Variants in FMNL2 observed in about 807,000 individuals in gnomAD.
FMNL2 encodes formin-like protein 2.
FMNL2 carries 51 observed loss-of-function variants against 130.2 expected under a neutral mutation model. The observed-to-expected ratio is 0.39, with a 90% CI of 0.31 to 0.49. The LOEUF is 0.49. FMNL2 is among the 20% of genes least tolerant of loss of function. FMNL2 has a pLI of 0.85. For synonymous variants in FMNL2, 465 were observed against 467.1 expected (o/e 1.00, Z 0.06); for missense variants, 977 against 1,316.2 (o/e 0.74, Z 3.99).
intron 9 of FMNL2, among the ~76,000 whole-genome samples, chr2:152,592,775 T>G (rs1308814851): frequency 2.0e-5 from 3 of 152,152 alleles, no homozygotes; most frequent in Admixed American, 6.5e-5. Flanking sequence ...AACTCTGGGA[T>G]TTTTACACAG....
chr2:152,633,236 C>T (rs140228289), intron 21 of FMNL2, among the ~76,000 whole-genome samples: 26 of 152,108 alleles, frequency 1.7e-4, no homozygotes, highest in Non-Finnish European at 3.8e-4. Context: ...GCTGGGACCA[C>T]AGGCACACAC....
At chr2:152,566,700 G>GTA (rs1230173562) in intron 6 of FMNL2, among the ~76,000 whole-genome samples, 27 of 152,272 alleles carry the variant, frequency 1.8e-4, no homozygotes, top group Admixed American at 6.5e-5. Flanking sequence ...AGGGACTTAA[G>GTA]TATATATATG....
chr2:152,508,207 C>T (rs868227853), intron 1 of FMNL2, among the ~76,000 whole-genome samples: 10 of 149,350 alleles, frequency 6.7e-5, no homozygotes, highest in Admixed American at 2.0e-4. Flanking sequence ...ACTGCAGCAA[C>T]GCTGAAACGA....
chr2:152,642,491 A>C (rs1253121818), intron 25 of FMNL2, among the ~76,000 whole-genome samples: 1 of 152,218 alleles, frequency 6.6e-6, no homozygotes, highest in Non-Finnish European at 1.5e-5. Flanking sequence ...CTCTGCACAA[A>C]TGTGCCTATT....
At chr2:152,622,187 G>A (rs1681382211) in intron 15 of FMNL2, among the ~76,000 whole-genome samples, 1 of 152,192 alleles carries the variant, frequency 6.6e-6, no homozygotes, top group African/African-American at 2.4e-5. Context: ...TGTCTGGGAG[G>A]ATGTGCTCGG....
chr2:152,637,724 T>C, intron 23 of FMNL2, 50 bp downstream of exon 23: 1 of 1,524,104 alleles, frequency 6.6e-7, no homozygotes, highest in Non-Finnish European at 9.1e-7. Flanking sequence ...ATTGCCCTCC[T>C]TGAGATGTGT....
At chr2:152,513,483 A>G (rs374507413) in intron 1 of FMNL2, among the ~76,000 whole-genome samples, 11 of 152,318 alleles carry the variant, frequency 7.2e-5, no homozygotes, top group African/African-American at 2.4e-4. Context: ...TACCATTGGT[A>G]ATAACCAGTT....
At chr2:152,394,547 A>G in intron 1 of FMNL2, among the ~76,000 whole-genome samples, 1 of 152,110 alleles carries the variant, frequency 6.6e-6, no homozygotes, top group South Asian at 2.1e-4. Context: ...TGGCATTCAC[A>G]GGAAATTCAG....
intron 9 of FMNL2, among the ~76,000 whole-genome samples, chr2:152,601,369 C>T (rs1448812285): frequency 2.1e-5 from 3 of 143,610 alleles, no homozygotes; most frequent in Non-Finnish European, 3.0e-5. Context: ...GGCACGATCT[C>T]GGCTAACTGC....
chr2:152,458,415 C>G (rs6748954), intron 1 of FMNL2, among the ~76,000 whole-genome samples: 22,268 of 152,192 alleles, frequency 0.15, 1,857 homozygotes, highest in East Asian at 0.27. Flanking sequence ...ATTCCCTGTT[C>G]TGTTGACTGC....
In FMNL2 at chr2:152,335,552, G is replaced by C. The variant is rs1020598621; in HGVS notation, c.-52G>C. 2 of 1,487,828 alleles carry C rather than the reference G, an allele frequency of 1.3e-6. No individual in the cohort carries two copies. The highest frequency in any genetic ancestry group is 1.5e-5 in the African/African-American group (1 of 68,564). The allele number at this position is 1,487,828 out of a possible 1,614,324, so 92.2% of individuals were successfully genotyped here. On this transcript the variant is annotated 5_prime_UTR_variant, in exon 1 of 26. Coordinates refer to ENST00000288670, the MANE Select transcript of FMNL2 (RefSeq NM_052905.4). ...ACCGCCGGGAGCTGTTCTGATTTCC[G>C]ACGCGCACGCTAGGGGCCCGGAGCA...
chr2:152,620,550 GCCT>G (rs1559016471), intron 15 of FMNL2, among the ~76,000 whole-genome samples: 2 of 152,110 alleles, frequency 1.3e-5, no homozygotes, highest in African/African-American at 4.8e-5. Context: ...GGGTAATTCT[GCCT>G]CCTCATTTAC....
chr2:152,622,813 T>G (rs1323234381), intron 15 of FMNL2, among the ~76,000 whole-genome samples: 1 of 88,952 alleles, frequency 1.1e-5, no homozygotes, highest in Admixed American at 1.3e-4. Context: ...TGAGAAAAGG[T>G]TTTTTTTTTT....
At chr2:152,380,991 C>T (rs1684430973) in intron 1 of FMNL2, among the ~76,000 whole-genome samples, 1 of 152,064 alleles carries the variant, frequency 6.6e-6, no homozygotes, top group South Asian at 2.1e-4. Context: ...GTATATAATG[C>T]CTAGGAATGG....
intron 4 of FMNL2, among the ~76,000 whole-genome samples, chr2:152,555,355 C>T (rs1173581386): frequency 6.6e-6 from 1 of 152,148 alleles, no homozygotes; most frequent in East Asian, 1.9e-4. Context: ...GATTTTTCAT[C>T]AACTTCAGTT....
intron 1 of FMNL2, among the ~76,000 whole-genome samples, chr2:152,408,984 C>G (rs1686144707): frequency 6.6e-6 from 1 of 152,092 alleles, no homozygotes; most frequent in African/African-American, 2.4e-5. Context: ...TTAGCAGATA[C>G]TTTAAAACAA....
chr2:152,518,264 AATT>A, intron 1 of FMNL2, among the ~76,000 whole-genome samples: 1 of 152,294 alleles, frequency 6.6e-6, no homozygotes, highest in South Asian at 2.1e-4. Flanking sequence ...GTCCTTATGG[AATT>A]ATTAAGCTGT....
chr2:152,390,144 C>A (rs781225005), intron 1 of FMNL2: 1 of 1,257,536 alleles, frequency 8.0e-7, no homozygotes, highest in Admixed American at 1.7e-5. Flanking sequence ...CGGGGCAGAC[C>A]TGCCCAATTA....
intron 4 of FMNL2, among the ~76,000 whole-genome samples, chr2:152,550,367 T>G (rs958921382): frequency 6.6e-6 from 1 of 152,146 alleles, no homozygotes; most frequent in Non-Finnish European, 1.5e-5. Context: ...ATTCAGAAAA[T>G]GAATTAATTC....
Sources: gnomAD v4.1 joint callset for allele counts (sites outside exome capture counted in the v4.1 genomes callset) on GRCh38, gnomAD v4.1.1 for gene constraint, MANE v1.5 for transcripts, NCBI Gene and HGNC (gene_info 2026-07-23, HGNC 2026-07-21) for gene names.